Variants in ERI3 observed in about 807,000 individuals in gnomAD.
ERI3 encodes the protein ERI1 exoribonuclease family member 3.
A neutral mutation model predicts 44.4 loss-of-function variants in ERI3; 18 were observed. That is an observed-to-expected ratio of 0.41 (90% CI 0.28 to 0.60). ERI3 has a LOEUF of 0.60. Ranked by LOEUF, ERI3 falls within the 20% of genes least tolerant of loss-of-function variation. The pLI is 0.36. For missense variants in ERI3, 294 were observed against 435.5 expected, an observed-to-expected ratio of 0.68 and a Z score of 2.89; for synonymous variants, 183 against 164.8, an observed-to-expected ratio of 1.11 and a Z score of -0.84.
rs1411438268 is a variant in ERI3 at position 44,228,699 on chromosome 1, G to A, written c.932-7059C>T. Among the ~76,000 whole-genome samples, 1 of 152,192 alleles carries A rather than the reference G, an allele frequency of 6.6e-6. No individual in the cohort carries two copies. The highest frequency in any genetic ancestry group is 2.4e-5 in the African/African-American group (1 of 41,446). ...TTGGGGGCAGTGGGGTGGAGGGGGG[G>A]ATGTGCCTGGCCGGGAGGGCACAGT... is the stretch of plus-strand genomic sequence containing the variant. On this transcript the variant is annotated intron_variant, in intron 8 of 8. Coordinates refer to ENST00000372257, the MANE Select transcript of ERI3 (RefSeq NM_024066.3). This position sits in a 1 kb window ranked among gnomAD's most constrained non-coding sequence, Gnocchi z 4.3.
chr1:44,259,920 T>TAGATAGATAGATAGATAGACAGACAGAC (rs778936296), intron 7 of ERI3, among the ~76,000 whole-genome samples: 3 of 129,738 alleles, frequency 2.3e-5, no homozygotes, highest in South Asian at 2.5e-4. Context: ...GATAGATAGA[T>TAGATAGATAGATAGATAGACAGACAGAC]AGACAGACAG....
chr1:44,300,291 T>C (rs1055542780), intron 6 of ERI3, among the ~76,000 whole-genome samples: 1 of 152,198 alleles, frequency 6.6e-6, no homozygotes, highest in African/African-American at 2.4e-5. Context: ...GGGGTTCCTA[T>C]AATCACTACA....
chr1:44,330,111 C>T (rs1207806559), intron 3 of ERI3, among the ~76,000 whole-genome samples: 1 of 152,228 alleles, frequency 6.6e-6, no homozygotes, highest in Non-Finnish European at 1.5e-5. Flanking sequence ...TTCCCATGGA[C>T]TCTGGCTTAT....
chr1:44,337,106 A>T (rs1646550047), intron 3 of ERI3, among the ~76,000 whole-genome samples: 2 of 152,378 alleles, frequency 1.3e-5, no homozygotes, highest in African/African-American at 4.8e-5. Context: ...CTTCACCTTC[A>T]GGAATATTGG....
At chr1:44,266,910 C>T (rs1050104557) in intron 7 of ERI3, among the ~76,000 whole-genome samples, 3 of 152,188 alleles carry the variant, frequency 2.0e-5, no homozygotes, top group Admixed American at 6.5e-5. Context: ...TCATAGTCTA[C>T]GTAGTTTCCT....
chr1:44,317,428 G>A (rs1646113080), intron 4 of ERI3, among the ~76,000 whole-genome samples: 1 of 152,062 alleles, frequency 6.6e-6, no homozygotes, highest in South Asian at 2.1e-4. Context: ...TATATGATCT[G>A]AGGTTTTCCA....
At chr1:44,238,546 C>A (rs1384632514) in intron 8 of ERI3, among the ~76,000 whole-genome samples, 3 of 152,048 alleles carry the variant, frequency 2.0e-5, no homozygotes, top group Admixed American at 6.5e-5. Context: ...ATCATCGTTG[C>A]GGAGATCACA....
At chr1:44,256,026 A>G (rs1273112343) in intron 7 of ERI3, among the ~76,000 whole-genome samples, 2 of 152,212 alleles carry the variant, frequency 1.3e-5, no homozygotes, top group African/African-American at 4.8e-5. Flanking sequence ...TGGCACCTGT[A>G]ACATGGATTT....
intron 6 of ERI3, among the ~76,000 whole-genome samples, chr1:44,292,804 C>T (rs1431536981): frequency 6.6e-6 from 1 of 152,204 alleles, no homozygotes; most frequent in African/African-American, 2.4e-5. Context: ...AAAGATGATA[C>T]ACTTGCTGGA....
At chr1:44,338,263 C>T (rs1646575620) in intron 3 of ERI3, among the ~76,000 whole-genome samples, 1 of 152,214 alleles carries the variant, frequency 6.6e-6, no homozygotes, top group African/African-American at 2.4e-5. Flanking sequence ...CCTCACAGTT[C>T]CTGTGAGTCA....
intron 7 of ERI3, among the ~76,000 whole-genome samples, chr1:44,254,020 A>C (rs531125986): frequency 2.9e-4 from 44 of 152,310 alleles, no homozygotes; most frequent in African/African-American, 1.0e-3. Flanking sequence ...AGCAACACTA[A>C]CTGGCAAGCC....
intron 4 of ERI3, among the ~76,000 whole-genome samples, chr1:44,315,131 C>T (rs180808357): frequency 5.4e-4 from 82 of 152,324 alleles, no homozygotes; most frequent in Middle Eastern, 3.4e-3. Context: ...AAAAGGCGGA[C>T]CACAGCCACT....
At chr1:44,329,400 C>T (rs1290520474) in intron 3 of ERI3, among the ~76,000 whole-genome samples, 2 of 152,200 alleles carry the variant, frequency 1.3e-5, no homozygotes, top group East Asian at 3.9e-4. Flanking sequence ...TCTCTAGTCA[C>T]ATTACCTTTC....
At chr1:44,289,846 G>A (rs746200185) in intron 6 of ERI3, among the ~76,000 whole-genome samples, 3 of 152,262 alleles carry the variant, frequency 2.0e-5, no homozygotes, top group Admixed American at 6.5e-5. Flanking sequence ...AGGCAGATGT[G>A]GGGGAGAGCT....
chr1:44,302,124 G>A (rs1329285689), intron 6 of ERI3, among the ~76,000 whole-genome samples: 1 of 152,172 alleles, frequency 6.6e-6, no homozygotes, highest in Non-Finnish European at 1.5e-5. Context: ...GGAAGGCCAG[G>A]CAATGCCTAT....
At chr1:44,268,846 C>T (rs777954120) in intron 7 of ERI3, among the ~76,000 whole-genome samples, 3 of 152,190 alleles carry the variant, frequency 2.0e-5, no homozygotes, top group Non-Finnish European at 4.4e-5. Flanking sequence ...TCCTTTCCAC[C>T]CACAAAGAAA....
intron 7 of ERI3, among the ~76,000 whole-genome samples, chr1:44,266,705 A>G (rs1010323772): frequency 1.3e-5 from 2 of 152,252 alleles, no homozygotes; most frequent in Admixed American, 1.3e-4. Context: ...GAATGAATGA[A>G]TGGCTATGTT....
At chr1:44,270,190 A>G (rs1243827052) in intron 7 of ERI3, among the ~76,000 whole-genome samples, 3 of 152,216 alleles carry the variant, frequency 2.0e-5, no homozygotes, top group African/African-American at 7.2e-5. Flanking sequence ...ACCCTGGGAC[A>G]AGGCAGACTA....
chr1:44,224,589 C>T (rs745360501), intron 8 of ERI3, among the ~76,000 whole-genome samples: 1 of 152,258 alleles, frequency 6.6e-6, no homozygotes, highest in Non-Finnish European at 1.5e-5. Flanking sequence ...CATCTTTGCA[C>T]ATGCTGTTCT....
Sources: allele counts gnomAD v4.1 joint callset (sites outside exome capture counted in the v4.1 genomes callset), GRCh38; gene constraint gnomAD v4.1.1; non-coding constraint Gnocchi (gnomAD v3.1); transcripts MANE v1.5; gene names NCBI Gene and HGNC (gene_info 2026-07-23, HGNC 2026-07-21).